Variants in ADAMTS17 observed in about 807,000 individuals in gnomAD.
The protein encoded by ADAMTS17 is A disintegrin and metalloproteinase with thrombospondin motifs 17.
In ADAMTS17, 113 loss-of-function variants were observed where a neutral mutation model predicts 141.5. The observed-to-expected ratio is 0.80, with a 90% CI of 0.69 to 0.93. ADAMTS17 has a LOEUF of 0.93. Ranked by LOEUF, ADAMTS17 falls within the 40% of genes least tolerant of loss-of-function variation. ADAMTS17 has a pLI of 0.00. For synonymous variants in ADAMTS17, 768 were observed against 630.6 expected (o/e 1.22, Z -3.27); for missense variants, 1,659 against 1,517.9 (o/e 1.09, Z -1.54).
chr15:100,033,953 G>C (rs2030447714), intron 18 of ADAMTS17, among the ~76,000 whole-genome samples: 1 of 152,232 alleles, frequency 6.6e-6, no homozygotes, highest in African/African-American at 2.4e-5. Flanking sequence ...TGGGAGACTG[G>C]TGGGGACAGC....
At chr15:100,329,860 C>T (rs2045997797) in intron 3 of ADAMTS17, among the ~76,000 whole-genome samples, 1 of 152,196 alleles carries the variant, frequency 6.6e-6, no homozygotes, top group South Asian at 2.1e-4. Flanking sequence ...TTACAAATAA[C>T]AAGGTAATTC....
intron 7 of ADAMTS17, among the ~76,000 whole-genome samples, chr15:100,216,898 T>G (rs8031609): frequency 0.16 from 24,115 of 152,256 alleles, 2,101 homozygotes; most frequent in Non-Finnish European, 0.2. Flanking sequence ...ATGCACTTCT[T>G]GGAAACATCA....
At chr15:100,245,825 G>A (rs540420773) in intron 7 of ADAMTS17, among the ~76,000 whole-genome samples, 1 of 152,320 alleles carries the variant, frequency 6.6e-6, no homozygotes, top group East Asian at 1.9e-4. Flanking sequence ...GGTATGGGAA[G>A]CACACACACT....
chr15:100,306,239 C>G (rs1266870998), intron 3 of ADAMTS17: 2 of 334,908 alleles, frequency 6.0e-6, no homozygotes, highest in East Asian at 1.5e-4. Flanking sequence ...TGGGGTCTAT[C>G]TCTCTGCCCT....
At chr15:100,166,643 A>T (rs1175294908) in intron 8 of ADAMTS17, among the ~76,000 whole-genome samples, 1 of 152,212 alleles carries the variant, frequency 6.6e-6, no homozygotes, top group East Asian at 1.9e-4. Flanking sequence ...AGACCTGACA[A>T]TAATTATTAT....
chr15:100,041,907 C>T (rs1476428799), intron 18 of ADAMTS17, among the ~76,000 whole-genome samples: 2 of 152,172 alleles, frequency 1.3e-5, no homozygotes, highest in African/African-American at 4.8e-5. Flanking sequence ...AAAAGACAAA[C>T]ATCTCTGCCA....
At chr15:100,025,663 C>T (rs957087879) in intron 18 of ADAMTS17, among the ~76,000 whole-genome samples, 1 of 152,164 alleles carries the variant, frequency 6.6e-6, no homozygotes, top group African/African-American at 2.4e-5. Flanking sequence ...ATCTGCCAGC[C>T]TCGGCCTCCC....
chr15:100,340,839 T>A (rs976498640), intron 2 of ADAMTS17, among the ~76,000 whole-genome samples, 200 bp downstream of exon 2: 5 of 152,076 alleles, frequency 3.3e-5, no homozygotes, highest in African/African-American at 1.2e-4. Flanking sequence ...ACTGGGATGC[T>A]GCCCCTCCCA....
chr15:100,131,905 T>C, intron 12 of ADAMTS17, 102 bp downstream of exon 12: 2 of 1,566,472 alleles, frequency 1.3e-6, no homozygotes, highest in Non-Finnish European at 1.7e-6. Context: ...TATCTTCTAA[T>C]GCTCAGCGGG....
At chr15:100,289,589 TTGA>T (rs2044564093) in intron 3 of ADAMTS17, among the ~76,000 whole-genome samples, 1 of 151,822 alleles carries the variant, frequency 6.6e-6, no homozygotes, top group South Asian at 2.1e-4. Context: ...GCCAATGTCC[TTGA>T]TGAACACAGA....
At chr15:100,159,771 C>A (rs2039603836) in intron 8 of ADAMTS17, among the ~76,000 whole-genome samples, 1 of 152,208 alleles carries the variant, frequency 6.6e-6, no homozygotes, top group Non-Finnish European at 1.5e-5. Flanking sequence ...TAGTCTGAGT[C>A]ACAGACTAGA....
At chr15:100,266,117 ACG>A (rs1057515070) in intron 4 of ADAMTS17, among the ~76,000 whole-genome samples, 1 of 152,134 alleles carries the variant, frequency 6.6e-6, no homozygotes, top group Non-Finnish European at 1.5e-5. Context: ...ATTCCACTCC[ACG>A]GTCGTTAAGG....
chr15:99,992,284 G>A (rs1452317753), intron 20 of ADAMTS17, among the ~76,000 whole-genome samples: 1 of 152,138 alleles, frequency 6.6e-6, no homozygotes. Flanking sequence ...TGAGGGAAGA[G>A]CTATCAGGAG....
chr15:100,072,687 G>A (rs1431037390), intron 15 of ADAMTS17, among the ~76,000 whole-genome samples: 10 of 152,268 alleles, frequency 6.6e-5, no homozygotes, highest in African/African-American at 2.2e-4. Flanking sequence ...ATGGTGGCGG[G>A]AAAACTGGCT....
At chr15:100,038,017 C>A (rs1285477365) in intron 18 of ADAMTS17, among the ~76,000 whole-genome samples, 5 of 152,160 alleles carry the variant, frequency 3.3e-5, no homozygotes, top group Non-Finnish European at 7.3e-5. Context: ...CTCAAGCAAT[C>A]CTCTAAAGTG....
chr15:100,063,277 C>T (rs1181107718), intron 15 of ADAMTS17, among the ~76,000 whole-genome samples: 1 of 152,180 alleles, frequency 6.6e-6, no homozygotes, highest in Non-Finnish European at 1.5e-5. Flanking sequence ...GAAGTCATCC[C>T]CAGAGCCACT....
intron 18 of ADAMTS17, 29 bp downstream of exon 18, chr15:100,048,828 G>A: frequency 6.2e-7 from 1 of 1,614,036 alleles, no homozygotes; most frequent in Non-Finnish European, 8.5e-7. Flanking sequence ...GACTCTGGTG[G>A]GTCCAAGCTA....
intron 14 of ADAMTS17, among the ~76,000 whole-genome samples, chr15:100,107,726 A>G (rs941394434): frequency 6.6e-6 from 1 of 152,142 alleles, no homozygotes; most frequent in Non-Finnish European, 1.5e-5. Flanking sequence ...AACACTGTCT[A>G]TGATAAGCGA....
At chr15:100,144,906 C>T (rs1222463294) in intron 10 of ADAMTS17, among the ~76,000 whole-genome samples, 3 of 152,008 alleles carry the variant, frequency 2.0e-5, no homozygotes, top group Non-Finnish European at 4.4e-5. Flanking sequence ...AACTGCCCAT[C>T]ACTAGTCATG....
Sources: allele counts gnomAD v4.1 joint callset (sites outside exome capture counted in the v4.1 genomes callset), GRCh38; gene constraint gnomAD v4.1.1; transcripts MANE v1.5; gene names NCBI Gene and HGNC (gene_info 2026-07-23, HGNC 2026-07-21).